DOCK3: variants seen among roughly 807,000 people sequenced by gnomAD.
DOCK3 encodes dedicator of cytokinesis protein 3.
A neutral mutation model predicts 265.6 loss-of-function variants in DOCK3; 60 were observed. That is an observed-to-expected ratio of 0.23 (90% CI 0.18 to 0.28). The LOEUF (loss-of-function observed/expected upper bound fraction) is 0.28. Among genes scored for constraint, DOCK3 ranks in the 10% least tolerant of loss-of-function variants. DOCK3 has a pLI of 1.00. For missense variants in DOCK3, 1,981 were observed against 2,594.3 expected (o/e 0.76, Z 5.14); for synonymous variants, 881 against 938.0 (o/e 0.94, Z 1.11).
intron 19 of DOCK3, among the ~76,000 whole-genome samples, chr3:51,231,454 G>C (rs1462175522): frequency 2.0e-5 from 3 of 152,082 alleles, no homozygotes; most frequent in Admixed American, 6.6e-5. Context: ...TAGTCACTCT[G>C]ACTGTTGTGA....
intron 20 of DOCK3, among the ~76,000 whole-genome samples, 153 bp downstream of exon 20, chr3:51,236,581 A>G (rs1576490816): frequency 6.6e-6 from 1 of 152,216 alleles, no homozygotes; most frequent in East Asian, 1.9e-4. Context: ...AGGAAGACCA[A>G]GCAACCAACC....
chr3:51,252,342 C>A (rs1175045338), intron 22 of DOCK3, among the ~76,000 whole-genome samples: 1 of 152,216 alleles, frequency 6.6e-6, no homozygotes, highest in Non-Finnish European at 1.5e-5. Context: ...CTTGGCAATG[C>A]AGGCTCTTTC....
intron 6 of DOCK3, among the ~76,000 whole-genome samples, chr3:51,064,818 T>A (rs1330595991): frequency 6.6e-6 from 1 of 152,212 alleles, no homozygotes; most frequent in East Asian, 1.9e-4. Context: ...TGTTTTTGCT[T>A]CTGAAAAGAA....
intron 5 of DOCK3, among the ~76,000 whole-genome samples, chr3:51,035,357 G>A (rs1405064547): frequency 6.6e-6 from 1 of 151,858 alleles, no homozygotes; most frequent in African/African-American, 2.4e-5. Context: ...TTTTTATTCT[G>A]CCATTAAGCT....
chr3:50,787,528 T>G (rs2042244938), intron 2 of DOCK3: 1 of 591,314 alleles, frequency 1.7e-6, no homozygotes, highest in Non-Finnish European at 2.9e-6. Flanking sequence ...AGAGTAAAAC[T>G]GTCTCAAAAA....
intron 48 of DOCK3, among the ~76,000 whole-genome samples, 187 bp downstream of exon 48, chr3:51,362,184 G>A (rs2086787865): frequency 6.6e-6 from 1 of 152,174 alleles, no homozygotes; most frequent in Non-Finnish European, 1.5e-5. Flanking sequence ...CGGTTCCCAG[G>A]CCTTATTTCC....
chr3:51,334,165 G>T (rs1306588106), intron 35 of DOCK3, among the ~76,000 whole-genome samples: 1 of 152,150 alleles, frequency 6.6e-6, no homozygotes, highest in Admixed American at 6.5e-5. Flanking sequence ...ATTTCTTAAT[G>T]AAAGTCTGCC....
chr3:50,703,138 T>C (rs1335973462), intron 1 of DOCK3, among the ~76,000 whole-genome samples: 2 of 152,248 alleles, frequency 1.3e-5, no homozygotes, highest in African/African-American at 2.4e-5. Context: ...ATGTGATATA[T>C]CACATTTATT....
chr3:50,872,719 C>T (rs768470917), intron 3 of DOCK3, among the ~76,000 whole-genome samples: 2 of 152,214 alleles, frequency 1.3e-5, no homozygotes, highest in African/African-American at 2.4e-5. Flanking sequence ...CTTATGTTCT[C>T]TTGTACCATA....
intron 12 of DOCK3, among the ~76,000 whole-genome samples, chr3:51,169,398 A>G (rs2086566806): frequency 6.6e-6 from 1 of 152,216 alleles, no homozygotes. Context: ...ATGGAATACT[A>G]TGCAATCATA....
At chr3:51,212,431 GTTTTTT>G (rs1198836971) in intron 13 of DOCK3, among the ~76,000 whole-genome samples, 1 of 112,274 alleles carries the variant, frequency 8.9e-6, no homozygotes, top group African/African-American at 3.2e-5. Flanking sequence ...TACACCCACT[GTTTTTT>G]TTTTTTTTTT....
intron 37 of DOCK3, among the ~76,000 whole-genome samples, chr3:51,340,983 C>G (rs2085197630): frequency 6.6e-6 from 1 of 152,222 alleles, no homozygotes; most frequent in South Asian, 2.1e-4. Context: ...CTTTATTAAT[C>G]TGGAGGCTGG....
At chr3:51,322,519 A>G (rs1220265888) in intron 32 of DOCK3, among the ~76,000 whole-genome samples, 1 of 152,198 alleles carries the variant, frequency 6.6e-6, no homozygotes, top group East Asian at 1.9e-4. Context: ...CTTAAAGAAA[A>G]GAATTTTCAA....
At chr3:50,969,185 G>C (rs1162703973) in intron 5 of DOCK3, among the ~76,000 whole-genome samples, 1 of 152,238 alleles carries the variant, frequency 6.6e-6, no homozygotes, top group Non-Finnish European at 1.5e-5. Context: ...ATTTAGGATT[G>C]TTATAACTTC....
chr3:50,761,015 C>T (rs549781237), intron 1 of DOCK3, among the ~76,000 whole-genome samples: 16 of 152,052 alleles, frequency 1.1e-4, no homozygotes, highest in Admixed American at 1.0e-3. Context: ...TTCCTGACCT[C>T]GTGATCTGCC....
Position 50,880,833 on chromosome 3 carries a change from A to T in DOCK3, c.163-9193A>T, listed in dbSNP as rs541719322. ...GGCAGAGACACAACCAAAAAAGAGA[A>T]TTTTAGACCAATATCCTTGATGAAC... On this transcript the variant is annotated intron_variant, in intron 3 of 52. Transcript: ENST00000266037. Among the ~76,000 whole-genome samples the T allele has an allele frequency of 7.6e-3, 1,161 of 152,304 alleles. 18 individuals are homozygous for T. Among genetic ancestry groups the T allele is most frequent in the African/African-American group, 0.027 (1,118 of 41,566 alleles).
chr3:51,335,530 T>A (rs1057171599), intron 35 of DOCK3, among the ~76,000 whole-genome samples: 2 of 152,226 alleles, frequency 1.3e-5, no homozygotes, highest in African/African-American at 4.8e-5. Flanking sequence ...GAGGACCAGC[T>A]CCTTGAGGAT....
At chr3:51,199,255 G>A (rs1021699937) in intron 12 of DOCK3, among the ~76,000 whole-genome samples, 5 of 152,328 alleles carry the variant, frequency 3.3e-5, no homozygotes, top group African/African-American at 9.6e-5. Flanking sequence ...CTCGGGAAGC[G>A]CAAGGGGTCA....
chr3:50,966,010 A>G (rs1338886667), intron 5 of DOCK3, among the ~76,000 whole-genome samples: 1 of 137,164 alleles, frequency 7.3e-6, no homozygotes, highest in Non-Finnish European at 1.5e-5. Flanking sequence ...CCACCATTCT[A>G]CTCTCTGTTT....
Sources: gnomAD v4.1 joint callset for allele counts (sites outside exome capture counted in the v4.1 genomes callset) on GRCh38, gnomAD v4.1.1 for gene constraint, MANE v1.5 for transcripts, NCBI Gene and HGNC (gene_info 2026-07-23, HGNC 2026-07-21) for gene names.